NKAIN2: variants seen among roughly 807,000 people sequenced by gnomAD.
NKAIN2 encodes sodium/potassium transporting ATPase interacting 2.
A neutral mutation model predicts 32.6 loss-of-function variants in NKAIN2; 14 were observed. The observed-to-expected ratio is 0.43, with a 90% CI of 0.28 to 0.67. The LOEUF is 0.67. Ranked by LOEUF, NKAIN2 falls within the 30% of genes least tolerant of loss-of-function variation. The probability of loss-of-function intolerance (pLI) is 0.17; values close to 1 mark genes in which losing one functional copy is unlikely to be tolerated. For synonymous variants in NKAIN2, 80 were observed against 87.2 expected (o/e 0.92, Z 0.46); for missense variants, 198 against 258.3 (o/e 0.77, Z 1.60).
At chr6:123,828,151 T>TA (rs1272753473) in intron 1 of NKAIN2, among the ~76,000 whole-genome samples, 1 of 152,086 alleles carries the variant, frequency 6.6e-6, no homozygotes, top group Admixed American at 6.6e-5. Flanking sequence ...CCATCCTTCC[T>TA]CTGCACTCAC....
intron 1 of NKAIN2, among the ~76,000 whole-genome samples, chr6:124,015,166 A>G (rs750769543): frequency 2.0e-5 from 3 of 152,150 alleles, no homozygotes; most frequent in Non-Finnish European, 2.9e-5. Flanking sequence ...TGCATATAGA[A>G]TGCATATTAT....
rs1294779801 is a variant in NKAIN2, at chr6:123,964,971, T to G, written c.54+160717T>G. On this transcript the variant is annotated intron_variant, in intron 1 of 6. Coordinates refer to ENST00000368417, the MANE Select transcript of NKAIN2 (RefSeq NM_001040214.3). The surrounding 1 kb of genome is among the most constrained non-coding windows in gnomAD (Gnocchi z 4.0). Reference sequence around the variant, plus strand: ...CCCTTGCTTAAATTGATTGCCCAGGTAAACATTTTTCCTGGATTTTATTAT... The same window carrying G: ...CCCTTGCTTAAATTGATTGCCCAGGGAAACATTTTTCCTGGATTTTATTAT... Among the ~76,000 whole-genome samples, 3 of 152,196 alleles carry G rather than the reference T, an allele frequency of 2.0e-5. No individual in the cohort carries two copies. The highest frequency in any genetic ancestry group is 4.4e-5 in the Non-Finnish European group (3 of 68,022).
At chr6:123,962,650 G>T (rs1777899449) in intron 1 of NKAIN2, among the ~76,000 whole-genome samples, 1 of 152,194 alleles carries the variant, frequency 6.6e-6, no homozygotes, top group South Asian at 2.1e-4. Context: ...TCATGAGTAG[G>T]CTGAGGCAGC....
rs550007515 is a variant in NKAIN2 at position 124,372,218 on chromosome 6, G to A, written c.273+16871G>A. Among the ~76,000 whole-genome samples the A allele has an allele frequency of 4.6e-5, 7 of 152,122 alleles. No individual in the cohort carries two copies. The South Asian group carries it at 1.0e-3, about 23-fold the overall frequency. On this transcript the variant is annotated intron_variant, in intron 3 of 6. Coordinates refer to ENST00000368417, the MANE Select transcript of NKAIN2 (RefSeq NM_001040214.3). ...GGTTTCAGTTTTATATTATTACAAGGTATTTTATAATCTAAATATTTCATC... is the reference window on the plus strand; with the variant it reads ...GGTTTCAGTTTTATATTATTACAAGATATTTTATAATCTAAATATTTCATC...
rs149240819 is a variant in NKAIN2 at position 124,648,048 on chromosome 6, C to A, written c.274-10138C>A. Among the ~76,000 whole-genome samples the A allele has an allele frequency of 4.9e-3, 739 of 152,250 alleles. 1 individual carries two copies. Among genetic ancestry groups the A allele is most frequent in the Middle Eastern group, 0.01 (3 of 294 alleles). ...CTTCAATATTGAACTGACATCATCT[C>A]CAAGTAAAACAAACAAAGAACACTT... On this transcript the variant is annotated intron_variant, in intron 3 of 6. Transcript: ENST00000368417.
At chr6:124,043,288 C>T (rs1352554881) in intron 1 of NKAIN2, among the ~76,000 whole-genome samples, 2 of 151,988 alleles carry the variant, frequency 1.3e-5, no homozygotes, top group South Asian at 2.1e-4. Flanking sequence ...GAGCTGAGAT[C>T]GCACCATTGC....
chr6:124,247,008 C>G (rs1421056920), intron 1 of NKAIN2, among the ~76,000 whole-genome samples: 1 of 152,002 alleles, frequency 6.6e-6, no homozygotes, highest in Non-Finnish European at 1.5e-5. Flanking sequence ...CCTGAGGCCT[C>G]TGGCAGGTCT....
At chr6:124,762,602 G>C (rs1778322527) in intron 4 of NKAIN2, among the ~76,000 whole-genome samples, 1 of 152,202 alleles carries the variant, frequency 6.6e-6, no homozygotes, top group Non-Finnish European at 1.5e-5. Context: ...TAGTTGGTTA[G>C]ATATTTGATT....
At chr6:124,809,656 T>C (rs1248525166) in intron 5 of NKAIN2, among the ~76,000 whole-genome samples, 2 of 149,962 alleles carry the variant, frequency 1.3e-5, no homozygotes, top group Non-Finnish European at 3.0e-5. Context: ...ACTAAAGAGC[T>C]TCTGCACAGC....
At chr6:124,484,955 A>G (rs1395403220) in intron 3 of NKAIN2, among the ~76,000 whole-genome samples, 2 of 152,044 alleles carry the variant, frequency 1.3e-5, no homozygotes, top group Non-Finnish European at 2.9e-5. Context: ...TGTGCATAAT[A>G]AAAAAAAGAG....
chr6:124,546,921 C>T (rs894327638), intron 3 of NKAIN2, among the ~76,000 whole-genome samples: 19 of 152,162 alleles, frequency 1.2e-4, no homozygotes, highest in African/African-American at 4.6e-4. Context: ...TTCTCAGCAT[C>T]ACAGTCCTGA....
intron 5 of NKAIN2, among the ~76,000 whole-genome samples, chr6:124,816,098 C>T (rs1438766186): frequency 1.3e-5 from 2 of 151,994 alleles, no homozygotes; most frequent in Non-Finnish European, 2.9e-5. Context: ...AAGGGTTTCC[C>T]ATGCAAAAAA....
intron 1 of NKAIN2, among the ~76,000 whole-genome samples, chr6:124,181,282 A>T (rs944054753): frequency 1.3e-5 from 2 of 151,698 alleles, no homozygotes; most frequent in Non-Finnish European, 2.9e-5. Context: ...CCAGGAAATC[A>T]TTTTTTTCCT....
chr6:124,015,146 T>C (rs906190133), intron 1 of NKAIN2, among the ~76,000 whole-genome samples: 4 of 152,196 alleles, frequency 2.6e-5, no homozygotes, highest in African/African-American at 9.6e-5. Flanking sequence ...ACCATTTCTC[T>C]CATTTTCTTT....
chr6:124,075,705 C>G (rs1262148770), intron 1 of NKAIN2, among the ~76,000 whole-genome samples: 1 of 152,168 alleles, frequency 6.6e-6, no homozygotes, highest in Non-Finnish European at 1.5e-5. Flanking sequence ...AAGCTCTTCT[C>G]CTGCCTCAGC....
intron 1 of NKAIN2, among the ~76,000 whole-genome samples, chr6:124,064,306 A>G (rs1185940487): frequency 2.0e-5 from 3 of 152,126 alleles, no homozygotes; most frequent in African/African-American, 7.2e-5. Flanking sequence ...CTTATTTGCA[A>G]ATATTACAAA....
intron 1 of NKAIN2, among the ~76,000 whole-genome samples, chr6:124,144,731 A>T (rs1247835046): frequency 6.6e-6 from 1 of 152,174 alleles, no homozygotes; most frequent in Non-Finnish European, 1.5e-5. Context: ...AGGCATAAAG[A>T]TTTAGGCTTG....
At chr6:123,863,610 C>G (rs1053290066) in intron 1 of NKAIN2, among the ~76,000 whole-genome samples, 4 of 151,906 alleles carry the variant, frequency 2.6e-5, no homozygotes, top group Non-Finnish European at 5.9e-5. Context: ...AAGATGATTA[C>G]TATTCAGGCC....
At chr6:123,827,095 G>A (rs773746059) in intron 1 of NKAIN2, among the ~76,000 whole-genome samples, 5 of 152,146 alleles carry the variant, frequency 3.3e-5, no homozygotes, top group East Asian at 3.9e-4. Context: ...AATGTTTAGC[G>A]ATGTTGAATA....
Sources: gnomAD v4.1 joint callset for allele counts (sites outside exome capture counted in the v4.1 genomes callset) on GRCh38, gnomAD v4.1.1 for gene constraint, Gnocchi (gnomAD v3.1) non-coding constraint, MANE v1.5 for transcripts, NCBI Gene and HGNC (gene_info 2026-07-23, HGNC 2026-07-21) for gene names.